Variants in DLC1 observed in about 807,000 individuals in gnomAD.
DLC1 encodes rho GTPase-activating protein 7.
DLC1 carries 54 observed loss-of-function variants against 140.3 expected under a neutral mutation model. The observed-to-expected ratio is 0.38, with a 90% CI of 0.31 to 0.48. The LOEUF is 0.48. Among genes scored for constraint, DLC1 ranks in the 20% least tolerant of loss-of-function variants. The pLI, the probability that DLC1 is intolerant of heterozygous loss-of-function variation, is 0.96. For synonymous variants in DLC1, 986 were observed against 728.1 expected, an observed-to-expected ratio of 1.35 and a Z score of -5.70; for missense variants, 2,536 against 1,907.0, an observed-to-expected ratio of 1.33 and a Z score of -6.14.
At chr8:13,189,711 C>A (rs916657844) in intron 5 of DLC1, among the ~76,000 whole-genome samples, 1 of 152,018 alleles carries the variant, frequency 6.6e-6, no homozygotes, top group African/African-American at 2.4e-5. Flanking sequence ...GGAGAAACCT[C>A]ATCTCTACTA....
chr8:13,157,826 C>T (rs1317936864), intron 5 of DLC1, among the ~76,000 whole-genome samples: 1 of 152,082 alleles, frequency 6.6e-6, no homozygotes, highest in South Asian at 2.1e-4. Flanking sequence ...TTTCCTCTTC[C>T]ACTAGGGCAA....
chr8:13,367,221 A>G (rs1471889926), intron 4 of DLC1, among the ~76,000 whole-genome samples: 2 of 152,114 alleles, frequency 1.3e-5, no homozygotes, highest in Non-Finnish European at 2.9e-5. Flanking sequence ...GCAAGGCTAG[A>G]TCTGATCAGT....
rs747399301 is a variant in DLC1 at position 13,305,298 on chromosome 8, A to G, written c.1319T>C (p.Ile440Thr). 6.2e-7 allele frequency: 1 copy of G among 1,600,614 alleles called. No homozygotes were observed. The highest frequency in any genetic ancestry group is 1.1e-5 in the South Asian group (1 of 87,116). Reference sequence around the variant, plus strand: ...CTTTTCCTTCTCTGAAATACCTTGAATAGCCTGAAAAAAAAGACACAAAAA... The same window carrying G: ...CTTTTCCTTCTCTGAAATACCTTGAGTAGCCTGAAAAAAAAGACACAAAAA... Reference protein sequence around the residue: ...NSGTKPKTTAIQGISEKEKAE... With the variant: ...NSGTKPKTTATQGISEKEKAE... The change falls in exon 5 of 18, where the codon ATT becomes ACT. Residue 440 changes from isoleucine to threonine, a missense_variant. Physicochemically the swap from Ile to Thr is moderately conservative, Grantham distance 89. Coordinates refer to ENST00000276297, the MANE Select transcript of DLC1 (RefSeq NM_182643.3).
At chr8:13,208,745 GACACACACACACACACACAC>G (rs56989279) in intron 5 of DLC1, among the ~76,000 whole-genome samples, 1 of 147,804 alleles carries the variant, frequency 6.8e-6, no homozygotes, top group East Asian at 2.0e-4. Flanking sequence ...CATACACACA[GACACACACACACACACACAC>G]ACACACACAC....
At chr8:13,468,211 T>C (rs1409417708) in intron 2 of DLC1, among the ~76,000 whole-genome samples, 2 of 152,230 alleles carry the variant, frequency 1.3e-5, no homozygotes, top group African/African-American at 4.8e-5. Context: ...AATTTGTCCA[T>C]TTCATTTAAA....
At chr8:13,238,696 A>C (rs1662311990) in intron 5 of DLC1, among the ~76,000 whole-genome samples, 1 of 152,124 alleles carries the variant, frequency 6.6e-6, no homozygotes, top group African/African-American at 2.4e-5. Context: ...GGTCTCTCCT[A>C]GGCTGGGAGT....
At position 13,311,225 on chromosome 8, in the gene DLC1, G is replaced by A. The variant is rs115351089; in HGVS notation, c.1315-5923C>T. Among the ~76,000 whole-genome samples, 816 of 152,220 alleles carry A rather than the reference G, an allele frequency of 5.4e-3. 10 individuals are homozygous for A. The highest frequency in any genetic ancestry group is 0.019 in the African/African-American group (782 of 41,528). On this transcript the variant is annotated intron_variant, in intron 4 of 17. Coordinates refer to ENST00000276297, the MANE Select transcript of DLC1 (RefSeq NM_182643.3). ...GAGACCCAGACAGGTTAAGTGACTT[G>A]CCCATTACTACAGGGCTTTTTGTGG...
At chr8:13,168,453 A>G (rs1177717043) in intron 5 of DLC1, among the ~76,000 whole-genome samples, 1 of 152,212 alleles carries the variant, frequency 6.6e-6, no homozygotes, top group East Asian at 1.9e-4. Flanking sequence ...CTCAGTAGCA[A>G]CTTGGTGCTA....
At chr8:13,474,423 T>G (rs1183523050) in intron 2 of DLC1, among the ~76,000 whole-genome samples, 2 of 152,188 alleles carry the variant, frequency 1.3e-5, no homozygotes, top group Non-Finnish European at 2.9e-5. Context: ...GCTAGGGCAG[T>G]GCAGAAGGAA....
At chr8:13,212,341 T>G (rs1168424083) in intron 5 of DLC1, among the ~76,000 whole-genome samples, 1 of 152,180 alleles carries the variant, frequency 6.6e-6, no homozygotes, top group African/African-American at 2.4e-5. Flanking sequence ...AATGGCACAC[T>G]GCTTTTGTTT....
intron 4 of DLC1, chr8:13,341,393 C>A (rs951242036): frequency 1.3e-5 from 2 of 152,160 alleles, no homozygotes; most frequent in Non-Finnish European, 2.9e-5. Flanking sequence ...TGAACTCCAG[C>A]GTGCGTCAGA....
At chr8:13,306,836 C>G (rs1195298427) in intron 4 of DLC1, among the ~76,000 whole-genome samples, 1 of 151,864 alleles carries the variant, frequency 6.6e-6, no homozygotes, top group African/African-American at 2.4e-5. Context: ...GTAATCCCAG[C>G]ACTTTGGGAG....
chr8:13,299,595 G>C (rs543038866), intron 5 of DLC1, among the ~76,000 whole-genome samples: 2 of 151,110 alleles, frequency 1.3e-5, no homozygotes, highest in South Asian at 2.1e-4. Flanking sequence ...AAAGCAGAGA[G>C]CTACGAGGGA....
At chr8:13,601,686 G>A (rs896297678) in intron 1 of DLC1, among the ~76,000 whole-genome samples, 8 of 149,810 alleles carry the variant, frequency 5.3e-5, no homozygotes, top group Non-Finnish European at 1.2e-4. Context: ...AACAAAAAAG[G>A]AAAACAGAAG....
At chr8:13,146,204 G>A (rs1308350396) in intron 5 of DLC1, among the ~76,000 whole-genome samples, 1 of 151,890 alleles carries the variant, frequency 6.6e-6, no homozygotes, top group Non-Finnish European at 1.5e-5. Context: ...GAACCCGGGA[G>A]GTGGAGGCCG....
chr8:13,132,200 C>T (rs926132055), intron 5 of DLC1, among the ~76,000 whole-genome samples: 1 of 128,494 alleles, frequency 7.8e-6, no homozygotes, highest in African/African-American at 3.7e-5. Context: ...GGAAAAAAAC[C>T]AAAACTGTGT....
chr8:13,115,454 G>A (rs1585668405), intron 6 of DLC1, 132 bp downstream of exon 6: 1 of 885,828 alleles, frequency 1.1e-6, no homozygotes, highest in Admixed American at 3.4e-5. Flanking sequence ...GGTCTTGCAT[G>A]CTTACAACAT....
intron 2 of DLC1, among the ~76,000 whole-genome samples, chr8:13,417,699 G>T (rs1157013038): frequency 6.6e-6 from 1 of 152,170 alleles, no homozygotes; most frequent in Non-Finnish European, 1.5e-5. Context: ...ATAGCAGCAT[G>T]ATTTCTAGTC....
chr8:13,172,268 C>T (rs999626302), intron 5 of DLC1, among the ~76,000 whole-genome samples: 1 of 152,100 alleles, frequency 6.6e-6, no homozygotes, highest in African/African-American at 2.4e-5. Context: ...AATGGAGACC[C>T]CTGATAGGGT....
Sources: allele counts gnomAD v4.1 joint callset (sites outside exome capture counted in the v4.1 genomes callset), GRCh38; gene constraint gnomAD v4.1.1; transcripts MANE v1.5; gene names NCBI Gene and HGNC (gene_info 2026-07-23, HGNC 2026-07-21).